The following FHOD3 variants were observed in gnomAD, a reference collection of about 807,000 sequenced individuals.
FHOD3 encodes formin homology 2 domain containing 3, also known as FH1/FH2 domain-containing protein 3.
FHOD3 carries 90 observed loss-of-function variants against 173.0 expected under a neutral mutation model. That is an observed-to-expected ratio of 0.52 (90% CI 0.44 to 0.62). FHOD3 has a LOEUF of 0.62. FHOD3 is among the 20% of genes least tolerant of loss of function. The pLI, the probability that FHOD3 is intolerant of heterozygous loss-of-function variation, is 0.00. For synonymous variants in FHOD3, 828 were observed against 823.0 expected (o/e 1.01, Z -0.10); for missense variants, 1,945 against 2,034.7 (o/e 0.96, Z 0.85).
chr18:36,423,208 A>T (rs1380646421), intron 3 of FHOD3, among the ~76,000 whole-genome samples: 1 of 152,238 alleles, frequency 6.6e-6, no homozygotes, highest in Non-Finnish European at 1.5e-5. Flanking sequence ...AAACTTCGAT[A>T]AGAGCAATAT....
At chr18:36,384,608 G>T (rs1356736417) in intron 3 of FHOD3, among the ~76,000 whole-genome samples, 1 of 151,698 alleles carries the variant, frequency 6.6e-6, no homozygotes, top group Non-Finnish European at 1.5e-5. Flanking sequence ...TATTTCATTG[G>T]TGTTAGATCC....
At chr18:36,676,410 T>C (rs1394847126) in intron 14 of FHOD3, among the ~76,000 whole-genome samples, 1 of 152,252 alleles carries the variant, frequency 6.6e-6, no homozygotes, top group African/African-American at 2.4e-5. Flanking sequence ...AAACAAACTA[T>C]ATTTTGTTTA....
At chr18:36,774,118 C>T (rs934335696) in intron 28 of FHOD3, among the ~76,000 whole-genome samples, 2 of 152,222 alleles carry the variant, frequency 1.3e-5, no homozygotes, top group Non-Finnish European at 2.9e-5. Context: ...GCCAAACTCT[C>T]CCTTTGCCCA....
chr18:36,339,617 C>T lies in FHOD3; in HGVS notation c.166-15922C>T, dbSNP rs544620338. Among the ~76,000 whole-genome samples the T allele has an allele frequency of 1.2e-4, 18 of 152,292 alleles. No homozygotes were observed. In the South Asian group the frequency reaches 1.5e-3, roughly 12 times the overall value. On this transcript the variant is annotated intron_variant, in intron 1 of 28. Coordinates refer to ENST00000590592, the MANE Select transcript of FHOD3 (RefSeq NM_001281740.3). ...GTGGTCTGCTGCCCACTCCTCACCC[C>T]GCCCAGGGACTTCTGCTGCTCTTTG... is the stretch of plus-strand genomic sequence containing the variant.
intron 13 of FHOD3, among the ~76,000 whole-genome samples, chr18:36,657,127 G>A (rs991732146): frequency 6.6e-6 from 1 of 152,310 alleles, no homozygotes; most frequent in African/African-American, 2.4e-5. Flanking sequence ...TTCTCCATGT[G>A]CAAGAAGCTC....
At chr18:36,336,635 G>A (rs544710018) in intron 1 of FHOD3, among the ~76,000 whole-genome samples, 5 of 150,236 alleles carry the variant, frequency 3.3e-5, no homozygotes, top group African/African-American at 4.9e-5. Context: ...TCAGGAGTTC[G>A]AGGCCAGCCT....
At chr18:36,482,495 C>G (rs1347330361) in intron 3 of FHOD3, among the ~76,000 whole-genome samples, 1 of 152,056 alleles carries the variant, frequency 6.6e-6, no homozygotes, top group Non-Finnish European at 1.5e-5. Flanking sequence ...AGAAGTGTAC[C>G]AGGGCAGTAG....
chr18:36,442,023 C>G (rs1175124687), intron 3 of FHOD3, among the ~76,000 whole-genome samples: 1 of 152,202 alleles, frequency 6.6e-6, no homozygotes, highest in Non-Finnish European at 1.5e-5. Flanking sequence ...ACTGTTTCCT[C>G]TATGAGTCAT....
At chr18:36,499,028 A>G (rs368211808) in intron 3 of FHOD3, among the ~76,000 whole-genome samples, 3 of 152,284 alleles carry the variant, frequency 2.0e-5, no homozygotes, top group Admixed American at 6.5e-5. Context: ...ATTTCTGCTT[A>G]TCATCTGCTA....
intron 6 of FHOD3, among the ~76,000 whole-genome samples, chr18:36,579,561 G>A (rs1052964539): frequency 6.6e-6 from 1 of 152,168 alleles, no homozygotes; most frequent in African/African-American, 2.4e-5. Context: ...GTCAAGAGGT[G>A]TTTAGGTCAT....
intron 27 of FHOD3, among the ~76,000 whole-genome samples, chr18:36,763,410 C>T (rs1018117630): frequency 4.3e-5 from 6 of 138,372 alleles, no homozygotes; most frequent in African/African-American, 1.2e-4. Context: ...GTATTATACA[C>T]GTTATATATA....
chr18:36,745,170 C>T (rs2042090382), intron 23 of FHOD3, among the ~76,000 whole-genome samples: 1 of 152,136 alleles, frequency 6.6e-6, no homozygotes, highest in African/African-American at 2.4e-5. Context: ...GACCTGGTGG[C>T]CGAGAGCCTC....
chr18:36,405,166 T>C (rs1227105866), intron 3 of FHOD3, among the ~76,000 whole-genome samples: 3 of 152,224 alleles, frequency 2.0e-5, no homozygotes, highest in Non-Finnish European at 4.4e-5. Flanking sequence ...GAAATGGACA[T>C]GTGGCTGAAA....
chr18:36,780,217 T>C lies in FHOD3; in HGVS notation c.*687T>C. The C allele has an allele frequency of 8.1e-7, 1 of 1,229,776 alleles. No homozygotes were observed. The highest frequency in any genetic ancestry group is 1.0e-6 in the Non-Finnish European group (1 of 986,210). The allele number at this position is 1,229,776 out of a possible 1,614,324, so 76.2% of individuals were successfully genotyped here. The stretch of plus-strand genomic sequence containing the variant: ...TATTTTGTTAATAGAGTGAGTAACA[T>C]CAACAGTGTGCTCTTTGAAACTCCT... On this transcript the variant is annotated 3_prime_UTR_variant, in exon 29 of 29. Transcript: ENST00000590592.
chr18:36,649,731 C>A (rs1390211310), intron 11 of FHOD3, among the ~76,000 whole-genome samples: 5 of 152,148 alleles, frequency 3.3e-5, no homozygotes, highest in African/African-American at 1.2e-4. Context: ...GCTCATCTCC[C>A]CTAAGAAGAT....
chr18:36,579,943 GA>G lies in FHOD3; in HGVS notation c.606+3409del, dbSNP rs371900955. 3.2e-3 allele frequency among the ~76,000 whole-genome samples: 448 copies of G among 141,988 alleles called. 5 individuals carry two copies. Among genetic ancestry groups the G allele is most frequent in the African/African-American group, 9.1e-3 (356 of 38,926 alleles). The allele number at this position is 141,988 out of a possible 152,430, so 93.1% of individuals were successfully genotyped here. The stretch of plus-strand genomic sequence containing the variant: ...GGAGGAAAAGAAGAAGAGCAGCAGA[GA>G]AAAAAAAAAACAGAAATAACAGAAA... On this transcript the variant is annotated intron_variant, in intron 6 of 28. Coordinates refer to ENST00000590592, the MANE Select transcript of FHOD3 (RefSeq NM_001281740.3).
intron 7 of FHOD3, among the ~76,000 whole-genome samples, chr18:36,596,501 G>A (rs992359171): frequency 6.6e-5 from 10 of 152,044 alleles, no homozygotes; most frequent in Non-Finnish European, 1.3e-4. Flanking sequence ...CTGTGATTTA[G>A]CATTACTCAG....
intron 3 of FHOD3, among the ~76,000 whole-genome samples, chr18:36,499,909 T>C (rs186470160): frequency 6.6e-6 from 1 of 152,340 alleles, no homozygotes. Context: ...TTAGAGGTGG[T>C]AGATTCCATA....
chr18:36,411,037 T>G (rs1235968454), intron 3 of FHOD3, among the ~76,000 whole-genome samples: 1 of 152,214 alleles, frequency 6.6e-6, no homozygotes, highest in Non-Finnish European at 1.5e-5. Context: ...CCCAGTTTTT[T>G]CTTCTTTTTG....
Sources: gnomAD v4.1 joint callset for allele counts (sites outside exome capture counted in the v4.1 genomes callset) on GRCh38, gnomAD v4.1.1 for gene constraint, MANE v1.5 for transcripts, NCBI Gene and HGNC (gene_info 2026-07-23, HGNC 2026-07-21) for gene names.